The following CELF2 variants were observed in gnomAD, a reference collection of about 807,000 sequenced individuals.
CELF2 encodes the protein CUGBP Elav-like family member 2, also known as CUG triplet repeat RNA-binding protein 2.
CELF2 carries 8 observed loss-of-function variants against 62.6 expected under a neutral mutation model. The observed-to-expected ratio is 0.13, with a 90% CI of 0.07 to 0.23. CELF2 has a LOEUF of 0.23. Ranked by LOEUF, CELF2 falls within the 10% of genes least tolerant of loss-of-function variation. The pLI, the probability that CELF2 is intolerant of heterozygous loss-of-function variation, is 1.00. For missense variants in CELF2, 333 were observed against 671.0 expected (o/e 0.50, Z 5.56); for synonymous variants, 258 against 250.0 (o/e 1.03, Z -0.30).
At chr10:11,229,504 G>T (rs948693296) in intron 3 of CELF2, among the ~76,000 whole-genome samples, 6 of 152,148 alleles carry the variant, frequency 3.9e-5, no homozygotes, top group African/African-American at 1.4e-4. Flanking sequence ...CAGCTGCACA[G>T]GAATAGAATC....
the CELF2 span, among the ~76,000 whole-genome samples, chr10:10,771,836 G>A: frequency 6.6e-6 from 1 of 152,164 alleles, no homozygotes; most frequent in South Asian, 2.1e-4. Context: ...CGTGAAAACG[G>A]ACTAATACAC....
rs561521243 is a variant in CELF2 at position 11,057,670 on chromosome 10, T to G, written c.74+39507T>G. On this transcript the variant is annotated intron_variant, in intron 1 of 12. Coordinates refer to ENST00000633077, the MANE Select transcript of CELF2 (RefSeq NM_001326342.2). ...CTTTTTTTCCCCCCGATGAAGTACT[T>G]GAAGCTGGCTTTTTAAGCATAAGGA... 1.8e-4 allele frequency among the ~76,000 whole-genome samples: 28 copies of G among 152,296 alleles called. No homozygotes were observed. The South Asian group carries it at 5.8e-3, about 32-fold the overall frequency.
chr10:10,949,173 T>G (rs1592289640), intron 2 of CELF2, among the ~76,000 whole-genome samples: 2 of 152,124 alleles, frequency 1.3e-5, no homozygotes, highest in South Asian at 4.1e-4. Context: ...TATACATGTG[T>G]TCCCTCCGTC....
chr10:10,565,218 G>T, the CELF2 span, among the ~76,000 whole-genome samples: 17 of 152,302 alleles, frequency 1.1e-4, 1 homozygote, highest in East Asian at 2.9e-3. Flanking sequence ...TACACTGGCT[G>T]GGACAACACT....
intron 1 of CELF2, among the ~76,000 whole-genome samples, chr10:11,095,301 G>A (rs1564715672): frequency 6.6e-6 from 1 of 152,180 alleles, no homozygotes; most frequent in African/African-American, 2.4e-5. Context: ...ATTAGAATGA[G>A]CATCCTTGCA....
chr10:10,599,945 G>A, the CELF2 span, among the ~76,000 whole-genome samples: 2 of 151,776 alleles, frequency 1.3e-5, no homozygotes, highest in African/African-American at 2.4e-5. Flanking sequence ...GTTAGCCAGG[G>A]TGGTCTCGAT....
At chr10:10,696,828 G>A in the CELF2 span, among the ~76,000 whole-genome samples, 1 of 152,178 alleles carries the variant, frequency 6.6e-6, no homozygotes. Context: ...GCAATGCCTT[G>A]CCCTGCTTCG....
chr10:11,190,863 A>C (rs1270120774), intron 2 of CELF2, among the ~76,000 whole-genome samples: 2 of 151,658 alleles, frequency 1.3e-5, no homozygotes, highest in African/African-American at 4.8e-5. Context: ...AAAGACAGAA[A>C]ATAGGTTGGT....
At chr10:11,115,281 G>A (rs1434891479) in intron 1 of CELF2, among the ~76,000 whole-genome samples, 3 of 152,208 alleles carry the variant, frequency 2.0e-5, no homozygotes, top group Non-Finnish European at 4.4e-5. Context: ...AGATAAAAAG[G>A]GATGTGTGTT....
At position 11,302,387 on chromosome 10, in the gene CELF2, CGTCTGACTCAGCG is replaced by C. The variant is rs1392216159; in HGVS notation, c.977-11750_977-11738del. On this transcript the variant is annotated intron_variant, in intron 9 of 12. Transcript: ENST00000633077. The surrounding 1 kb of genome is among the most constrained non-coding windows in gnomAD (Gnocchi z 5.0). ...AGATGCCCAAGCCCCACAACCAGAG[CGTCTGACTCAGCG>C]GGAGTGAGGGGAGCCCCAGGTGGTG... Among the ~76,000 whole-genome samples, 1 of 152,210 alleles carries C rather than the reference CGTCTGACTCAGCG, an allele frequency of 6.6e-6. No individual in the cohort carries two copies. The highest frequency in any genetic ancestry group is 2.4e-5 in the African/African-American group (1 of 41,454).
chr10:11,311,725 G>C lies in CELF2; in HGVS notation c.977-2414G>C, dbSNP rs142959118. Among the ~76,000 whole-genome samples, 33 of 152,206 alleles carry C rather than the reference G, an allele frequency of 2.2e-4. No homozygotes were observed. Among genetic ancestry groups the C allele is most frequent in the Non-Finnish European group, 4.4e-4 (30 of 68,016 alleles). ...GTTTAGCGGAACATTACATACAATT[G>C]AAAGAGAATGTGGTGAGCTGGAACA... On this transcript the variant is annotated intron_variant, in intron 9 of 12. Coordinates refer to ENST00000633077, the MANE Select transcript of CELF2 (RefSeq NM_001326342.2). This position sits in a 1 kb window ranked among gnomAD's most constrained non-coding sequence, Gnocchi z 4.7.
chr10:10,554,943 G>A, the CELF2 span, among the ~76,000 whole-genome samples: 926 of 152,218 alleles, frequency 6.1e-3, 11 homozygotes, highest in African/African-American at 0.021. Context: ...TTTTCCTCTA[G>A]AAAGCAGAGT....
At chr10:10,482,733 G>C in the CELF2 span, among the ~76,000 whole-genome samples, 1 of 152,132 alleles carries the variant, frequency 6.6e-6, no homozygotes, top group Non-Finnish European at 1.5e-5. Flanking sequence ...ACTCGCCTGT[G>C]AACACACCTG....
At chr10:10,822,960 G>T (rs1356141855) in intron 1 of CELF2, among the ~76,000 whole-genome samples, 2 of 152,088 alleles carry the variant, frequency 1.3e-5, no homozygotes, top group African/African-American at 4.8e-5. Flanking sequence ...GTGAGGCAAG[G>T]TTAAATTCAT....
chr10:10,729,241 C>T, the CELF2 span, among the ~76,000 whole-genome samples: 1 of 152,158 alleles, frequency 6.6e-6, no homozygotes, highest in African/African-American at 2.4e-5. Flanking sequence ...TAGCTGTGCC[C>T]TTTATTAAAC....
chr10:11,031,653 T>C (rs559942265), intron 1 of CELF2, among the ~76,000 whole-genome samples: 6 of 152,376 alleles, frequency 3.9e-5, no homozygotes, highest in African/African-American at 1.4e-4. Flanking sequence ...GTGTGCTTAT[T>C]GTATTCTTGC....
chr10:11,163,442 C>T (rs150645474), intron 1 of CELF2, among the ~76,000 whole-genome samples: 1 of 152,288 alleles, frequency 6.6e-6, no homozygotes, highest in Non-Finnish European at 1.5e-5. Context: ...GGCTCCACTG[C>T]CTCCACCCCG....
the CELF2 span, among the ~76,000 whole-genome samples, chr10:10,749,247 T>C: frequency 6.6e-6 from 1 of 152,184 alleles, no homozygotes; most frequent in East Asian, 1.9e-4. Flanking sequence ...TACAGGATAT[T>C]TGGGCTGGAT....
chr10:10,696,180 T>C, the CELF2 span, among the ~76,000 whole-genome samples: 246 of 152,098 alleles, frequency 1.6e-3, 1 homozygote, highest in African/African-American at 2.1e-3. Context: ...GATGGGTTTT[T>C]GGTGTGGATG....
Sources: allele counts gnomAD v4.1 joint callset (sites outside exome capture counted in the v4.1 genomes callset), GRCh38; gene constraint gnomAD v4.1.1; non-coding constraint Gnocchi (gnomAD v3.1); transcripts MANE v1.5; gene names NCBI Gene and HGNC (gene_info 2026-07-23, HGNC 2026-07-21).